The following RGL3 variants were observed in gnomAD, a reference collection of about 807,000 sequenced individuals.
RGL3 encodes ral guanine nucleotide dissociation stimulator like 3.
In RGL3, 85 loss-of-function variants were observed where a neutral mutation model predicts 90.6. That is an observed-to-expected ratio of 0.94 (90% CI 0.79 to 1.12). RGL3 has a LOEUF of 1.12. Among genes scored for constraint, RGL3 ranks in the 50% most tolerant of loss-of-function variants. The probability of loss-of-function intolerance (pLI) is 0.00; values close to 1 mark genes in which losing one functional copy is unlikely to be tolerated. For missense variants in RGL3, 1,034 were observed against 939.2 expected, an observed-to-expected ratio of 1.10 and a Z score of -1.32; for synonymous variants, 408 against 385.5, an observed-to-expected ratio of 1.06 and a Z score of -0.68.
At chr19:11,402,826 G>A (rs753712819) in intron 9 of RGL3, 120 bp from the exon 10 acceptor site, 1 of 864,906 alleles carries the variant, frequency 1.2e-6, no homozygotes. Flanking sequence ...GTCAGTGGTA[G>A]GCCAGGTGCG....
intron 11 of RGL3, 33 bp from the exon 12 acceptor site, chr19:11,402,280 C>CAGGGTCAAGGGTCA: frequency 6.2e-7 from 1 of 1,612,094 alleles, no homozygotes. Context: ...TTGCAGCACC[C>CAGGGTCAAGGGTCA]AGGGTCAAGG....
rs760491298 is a variant in RGL3 at position 11,417,158 on chromosome 19, GT to G, written c.148-100del. ...CACTAGCACCACTCTTTTTTTTTTTGTTTTTTTTTTTGAGACAGAGTCTCAC... is the reference window on the plus strand; with the variant it reads ...CACTAGCACCACTCTTTTTTTTTTTGTTTTTTTTTTGAGACAGAGTCTCAC... On this transcript the variant is annotated intron_variant, in intron 2 of 18. Transcript: ENST00000380456. 8.7e-3 allele frequency: 5,257 copies of G among 604,632 alleles called. 5 individuals are homozygous for G. Among genetic ancestry groups the G allele is most frequent in the East Asian group, 0.021 (516 of 24,212 alleles). 37.5% of individuals were successfully genotyped at this position (604,632 alleles called of 1,614,324 possible). A position where few individuals can be genotyped will look rare whatever the true frequency, so the allele number is the denominator to read the frequency against.
rs1393333125 is a variant in RGL3 at position 11,405,354 on chromosome 19, G to A, written c.1069C>T (p.Arg357Trp). ...ACTGCCCCCCAGCTGCGCTTGAGCC[G>A]GTAGATGGGGTTAGATTGCAGGGCG... is the stretch of plus-strand genomic sequence containing the variant. ...LSALQSNPIY[R>W]LKRSWGAVSR... is the part of the protein sequence containing the mutation. Residue 357 changes from arginine (R) to tryptophan (W), a missense_variant, in exon 8 of 19, where the codon CGG becomes TGG. Arg to Trp is a moderately radical substitution (Grantham distance 101). Coordinates refer to ENST00000380456, the MANE Select transcript of RGL3 (RefSeq NM_001035223.4). 5 of 1,612,502 alleles carry A rather than the reference G, an allele frequency of 3.1e-6. No homozygotes were observed. The highest frequency in any genetic ancestry group is 4.2e-6 in the Non-Finnish European group (5 of 1,179,510).
intron 16 of RGL3, among the ~76,000 whole-genome samples, chr19:11,399,478 T>C (rs1384660434): frequency 2.0e-5 from 3 of 151,970 alleles, no homozygotes; most frequent in Non-Finnish European, 4.4e-5. Flanking sequence ...GGTGGAAGGA[T>C]TGCTTGAGCC....
In RGL3 at chr19:11,416,974, ACCAGCCGCT is replaced by A; in HGVS notation, c.224_232del (p.Glu75_Leu77del). On this transcript the variant is annotated inframe_deletion, in exon 3 of 19. Coordinates refer to ENST00000380456, the MANE Select transcript of RGL3 (RefSeq NM_001035223.4). ...ACGGTCTCCAAACACCAACTCTCCC[ACCAGCCGCT>A]CCAGGCGCGCTGCCCTCAGCACCCT... 6.2e-7 allele frequency: 1 copy of A among 1,611,700 alleles called. No homozygotes were observed.
chr19:11,412,957 C>T (rs1185139106), intron 5 of RGL3, among the ~76,000 whole-genome samples: 1 of 151,926 alleles, frequency 6.6e-6, no homozygotes. Context: ...CAGAGCGAGA[C>T]TCTGTCTCAA....
At chr19:11,396,431 A>G (rs1205438955) in intron 18 of RGL3, among the ~76,000 whole-genome samples, 27 of 151,064 alleles carry the variant, frequency 1.8e-4, no homozygotes, top group Admixed American at 1.7e-3. Context: ...TGGCCTCCCA[A>G]AGTGCCGGGA....
In RGL3 at chr19:11,405,372, G is replaced by T. The variant is rs1204916822; in HGVS notation, c.1051C>A (p.Gln351Lys). Residue 351 changes from glutamine (Q) to lysine (K), a missense_variant, in exon 8 of 19, where the codon CAA becomes AAA. Gln to Lys is a moderately conservative substitution (Grantham distance 53, BLOSUM62 1). Coordinates refer to ENST00000380456, the MANE Select transcript of RGL3 (RefSeq NM_001035223.4). ...TTGAGCCGGTAGATGGGGTTAGATT[G>T]CAGGGCGGACAGGATGGCGCGCAAG... ...SSLRAILSALQSNPIYRLKRS... is the reference protein window; with the variant it reads ...SSLRAILSALKSNPIYRLKRS... 2 of 1,611,592 alleles carry T rather than the reference G, an allele frequency of 1.2e-6. No individual in the cohort carries two copies. The highest frequency in any genetic ancestry group is 1.3e-5 in the African/African-American group (1 of 74,982).
In RGL3 at chr19:11,399,954, G is replaced by T; in HGVS notation, c.1650-3C>A. ...AGGGGGGTGACCCTGGGGACACACTGGGGGAGATGCAGAGGCTGAGGTGGG... is the reference window on the plus strand; with the variant it reads ...AGGGGGGTGACCCTGGGGACACACTTGGGGAGATGCAGAGGCTGAGGTGGG... On this transcript the variant is annotated splice_region_variant and splice_polypyrimidine_tract_variant and intron_variant, in intron 15 of 18. Coordinates refer to ENST00000380456, the MANE Select transcript of RGL3 (RefSeq NM_001035223.4). The T allele has an allele frequency of 6.4e-7, 1 of 1,565,940 alleles. No individual in the cohort carries two copies. Among genetic ancestry groups the T allele is most frequent in the Non-Finnish European group, 8.6e-7 (1 of 1,159,972 alleles).
chr19:11,395,037 G>A (rs1398724102), intron 18 of RGL3, among the ~76,000 whole-genome samples: 8 of 150,550 alleles, frequency 5.3e-5, no homozygotes, highest in Admixed American at 3.3e-4. Flanking sequence ...ATGTTGCGGT[G>A]AGCCGAGATC....
rs1490572804 is a variant in RGL3, at chr19:11,414,162, TATATATATATATATAC to T, written c.637+1759_637+1774del. On this transcript the variant is annotated intron_variant, in intron 5 of 18. Transcript: ENST00000380456. ...ATATATATATATATATATATATATA[TATATATATATATATAC>T]ACCTATATATATATACCTTTATATA... Among the ~76,000 whole-genome samples the T allele has an allele frequency of 2.0e-3, 223 of 112,044 alleles. 12 individuals are homozygous for T. The highest frequency in any genetic ancestry group is 7.8e-3 in the African/African-American group (212 of 27,256). 73.5% of individuals were successfully genotyped at this position (112,044 alleles called of 152,430 possible).
chr19:11,394,834 A>C, intron 18 of RGL3, among the ~76,000 whole-genome samples: 1 of 152,128 alleles, frequency 6.6e-6, no homozygotes, highest in East Asian at 1.9e-4. Context: ...TCGTGCCTGT[A>C]ATCCCAGCGC....
intron 5 of RGL3, among the ~76,000 whole-genome samples, chr19:11,414,420 T>C (rs1287775794): frequency 4.7e-5 from 5 of 106,706 alleles, no homozygotes; most frequent in Non-Finnish European, 8.8e-5. Flanking sequence ...TATATACCTT[T>C]ATATATATAT....
At chr19:11,407,749 T>A (rs1176208532) in intron 5 of RGL3, among the ~76,000 whole-genome samples, 1 of 151,234 alleles carries the variant, frequency 6.6e-6, no homozygotes, top group East Asian at 1.9e-4. Context: ...TGCAATGGCG[T>A]GATCTTGGCT....
intron 5 of RGL3, among the ~76,000 whole-genome samples, chr19:11,409,349 C>T (rs189195042): frequency 1.5e-4 from 23 of 151,992 alleles, no homozygotes; most frequent in Admixed American, 3.9e-4. Flanking sequence ...GGCGTGGTGG[C>T]GGGCGCCTGT....
At chr19:11,410,101 C>A (rs906904601) in intron 5 of RGL3, among the ~76,000 whole-genome samples, 2 of 150,546 alleles carry the variant, frequency 1.3e-5, no homozygotes, top group Non-Finnish European at 3.0e-5. Flanking sequence ...CTATGCCCAG[C>A]CAGCTAATTT....
chr19:11,413,775 G>A (rs769041587), intron 5 of RGL3, among the ~76,000 whole-genome samples: 3 of 144,288 alleles, frequency 2.1e-5, no homozygotes, highest in African/African-American at 5.1e-5. Context: ...GCAGAGTCTC[G>A]CTCTGTCACC....
Position 11,406,646 on chromosome 19 carries a change from G to T in RGL3, c.781-12C>A, listed in dbSNP as rs763320612. The T allele has an allele frequency of 6.3e-7, 1 of 1,577,058 alleles. No homozygotes were observed. The highest frequency in any genetic ancestry group is 1.3e-5 in the African/African-American group (1 of 74,188). On this transcript the variant is annotated splice_polypyrimidine_tract_variant and intron_variant, in intron 6 of 18. Transcript: ENST00000380456. ...TTGGAGAAGAGCTCCTGGGCCAGGG[G>T]AGGGGTGTGGGATTGGTGCTTAGCA...
chr19:11,409,184 A>T (rs1018086641), intron 5 of RGL3, among the ~76,000 whole-genome samples: 14 of 151,344 alleles, frequency 9.3e-5, no homozygotes, highest in Non-Finnish European at 1.8e-4. Flanking sequence ...AAAAAAAAAA[A>T]AGAAAAGAAA....
Sources: allele counts gnomAD v4.1 joint callset (sites outside exome capture counted in the v4.1 genomes callset), GRCh38; gene constraint gnomAD v4.1.1; transcripts MANE v1.5; gene names NCBI Gene and HGNC (gene_info 2026-07-23, HGNC 2026-07-21).